PARD3B: variants seen among roughly 807,000 people sequenced by gnomAD.
PARD3B encodes par-3 family cell polarity regulator beta.
PARD3B carries 103 observed loss-of-function variants against 130.2 expected under a neutral mutation model. The ratio of observed to expected loss-of-function variants is 0.79; its 90% confidence interval spans 0.67 to 0.93. The LOEUF (loss-of-function observed/expected upper bound fraction) is 0.93. PARD3B is among the 40% of genes least tolerant of loss of function. The pLI is 0.00. For synonymous variants in PARD3B, 583 were observed against 553.2 expected (o/e 1.05, Z -0.76); for missense variants, 1,609 against 1,499.2 (o/e 1.07, Z -1.21).
chr2:205,486,743 G>A (rs749076391), intron 20 of PARD3B, among the ~76,000 whole-genome samples: 2 of 152,062 alleles, frequency 1.3e-5, no homozygotes, highest in Non-Finnish European at 2.9e-5. Context: ...ACAGTACCAA[G>A]GGGATGGTCC....
intron 5 of PARD3B, among the ~76,000 whole-genome samples, chr2:205,113,015 C>G (rs13385430): frequency 6.6e-6 from 1 of 152,044 alleles, no homozygotes; most frequent in Admixed American, 6.6e-5. Flanking sequence ...CATTATAACA[C>G]GTAATTCTGT....
chr2:204,713,740 C>A (rs983145844), intron 2 of PARD3B, among the ~76,000 whole-genome samples: 1 of 152,100 alleles, frequency 6.6e-6, no homozygotes, highest in African/African-American at 2.4e-5. Flanking sequence ...ATTCTCCACC[C>A]CCCTTTATAT....
intron 20 of PARD3B, among the ~76,000 whole-genome samples, chr2:205,451,688 GTATA>G (rs35082767): frequency 0.11 from 15,504 of 143,710 alleles, 1,172 homozygotes; most frequent in African/African-American, 0.22. Context: ...TATGTAATAG[GTATA>G]TATATATATA....
intron 18 of PARD3B, among the ~76,000 whole-genome samples, chr2:205,313,212 G>A (rs1300847851): frequency 6.6e-6 from 1 of 152,158 alleles, no homozygotes; most frequent in African/African-American, 2.4e-5. Context: ...TTATTTCTTA[G>A]CTAAAAGAGG....
chr2:205,614,266 T>C (rs2055340742), intron 22 of PARD3B, among the ~76,000 whole-genome samples: 1 of 152,222 alleles, frequency 6.6e-6, no homozygotes, highest in East Asian at 1.9e-4. Context: ...CACTTTCTGT[T>C]AGTGTCTATT....
At chr2:204,632,243 C>T (rs2034704441) in intron 1 of PARD3B, among the ~76,000 whole-genome samples, 1 of 152,134 alleles carries the variant, frequency 6.6e-6, no homozygotes. Flanking sequence ...TGCCTTCTGC[C>T]ATGATTGTAA....
chr2:205,536,550 A>T (rs1392781644), intron 21 of PARD3B, among the ~76,000 whole-genome samples: 1 of 152,066 alleles, frequency 6.6e-6, no homozygotes, highest in Non-Finnish European at 1.5e-5. Context: ...CTGATCAGTA[A>T]CTCACTTGTG....
chr2:204,804,841 C>T (rs2042706727), intron 2 of PARD3B, among the ~76,000 whole-genome samples: 1 of 152,018 alleles, frequency 6.6e-6, no homozygotes, highest in African/African-American at 2.4e-5. Context: ...ACTGTAGAAA[C>T]TATACAAACA....
At chr2:204,703,910 A>G (rs1266702380) in intron 2 of PARD3B, among the ~76,000 whole-genome samples, 1 of 152,170 alleles carries the variant, frequency 6.6e-6, no homozygotes, top group Admixed American at 6.6e-5. Flanking sequence ...GCACCTTAAA[A>G]ATTCAAGGAA....
chr2:205,608,852 G>T (rs1253877857), intron 22 of PARD3B, among the ~76,000 whole-genome samples: 2 of 152,106 alleles, frequency 1.3e-5, no homozygotes, highest in African/African-American at 4.8e-5. Context: ...TAAACTGTTT[G>T]AGAAATGTCT....
At chr2:205,540,052 T>C (rs1331712602) in intron 21 of PARD3B, among the ~76,000 whole-genome samples, 1 of 152,176 alleles carries the variant, frequency 6.6e-6, no homozygotes, top group Non-Finnish European at 1.5e-5. Flanking sequence ...GAAACCCAAC[T>C]AACCACGGAC....
At chr2:204,960,843 TAAAAC>T (rs1690687160) in intron 2 of PARD3B, among the ~76,000 whole-genome samples, 1 of 152,074 alleles carries the variant, frequency 6.6e-6, no homozygotes, top group African/African-American at 2.4e-5. Context: ...TGGTATAAAA[TAAAAC>T]AAAGGCGGAG....
chr2:205,590,532 C>A lies in PARD3B; in HGVS notation c.3261-24924C>A, dbSNP rs2054350201. ...CGAGGGGATGGAACGTTCTGATGAT[C>A]CAGGCCTGGGTCACATGCCCCTCTG... is the stretch of plus-strand genomic sequence containing the variant. On this transcript the variant is annotated intron_variant, in intron 22 of 22. Transcript: ENST00000406610. The surrounding 1 kb of genome is among the most constrained non-coding windows in gnomAD (Gnocchi z 4.1). Among the ~76,000 whole-genome samples the A allele has an allele frequency of 6.6e-6, 1 of 152,170 alleles. No individual in the cohort carries two copies. Among genetic ancestry groups the A allele is most frequent in the African/African-American group, 2.4e-5 (1 of 41,442 alleles).
intron 1 of PARD3B, among the ~76,000 whole-genome samples, chr2:204,654,890 T>G (rs749931016): frequency 2.0e-5 from 3 of 152,206 alleles, no homozygotes; most frequent in Non-Finnish European, 2.9e-5. Context: ...TTTCATAGTC[T>G]CTGGTGGACC....
At chr2:205,509,529 C>T (rs546012821) in intron 21 of PARD3B, among the ~76,000 whole-genome samples, 2 of 152,282 alleles carry the variant, frequency 1.3e-5, no homozygotes, top group South Asian at 4.1e-4. Flanking sequence ...ACTTCTCTGC[C>T]CTGTCCCTCA....
intron 2 of PARD3B, among the ~76,000 whole-genome samples, chr2:204,723,917 A>AT (rs902637605): frequency 5.9e-5 from 9 of 151,942 alleles, no homozygotes; most frequent in Admixed American, 1.3e-4. Context: ...AGAAATAGTG[A>AT]TTTTTTTTCC....
At chr2:205,028,682 C>A (rs1285165435) in intron 3 of PARD3B, among the ~76,000 whole-genome samples, 1 of 152,052 alleles carries the variant, frequency 6.6e-6, no homozygotes, top group Non-Finnish European at 1.5e-5. Flanking sequence ...CTAGCCAGAG[C>A]AATTAGGCAA....
intron 4 of PARD3B, among the ~76,000 whole-genome samples, chr2:205,049,063 A>G (rs1272776597): frequency 6.6e-6 from 1 of 152,216 alleles, no homozygotes; most frequent in African/African-American, 2.4e-5. Context: ...GAGCAGAACT[A>G]CAATTTAGTT....
At chr2:205,166,227 A>G (rs957519366) in intron 11 of PARD3B, among the ~76,000 whole-genome samples, 2 of 152,232 alleles carry the variant, frequency 1.3e-5, no homozygotes, top group Non-Finnish European at 2.9e-5. Context: ...AAGAGCTATG[A>G]TAGGCAAATG....
Sources: gnomAD v4.1 joint callset for allele counts (sites outside exome capture counted in the v4.1 genomes callset) on GRCh38, gnomAD v4.1.1 for gene constraint, Gnocchi (gnomAD v3.1) non-coding constraint, MANE v1.5 for transcripts, NCBI Gene and HGNC (gene_info 2026-07-23, HGNC 2026-07-21) for gene names.